The following SNCAIP variants were observed in gnomAD, a reference collection of about 807,000 sequenced individuals.
SNCAIP encodes the protein synphilin-1.
Under a neutral mutation model 86.7 loss-of-function variants are expected in SNCAIP, and 43 were observed. The ratio of observed to expected loss-of-function variants is 0.50; its 90% confidence interval spans 0.39 to 0.64. The LOEUF (loss-of-function observed/expected upper bound fraction) is 0.64. SNCAIP is among the 30% of genes least tolerant of loss of function. The pLI, the probability that SNCAIP is intolerant of heterozygous loss-of-function variation, is 0.00. For missense variants in SNCAIP, 981 were observed against 1,103.1 expected (o/e 0.89, Z 1.57); for synonymous variants, 417 against 427.2 (o/e 0.98, Z 0.29).
At chr5:122,426,431 A>G (rs1000625606) in intron 5 of SNCAIP, among the ~76,000 whole-genome samples, 2 of 152,348 alleles carry the variant, frequency 1.3e-5, no homozygotes, top group African/African-American at 4.8e-5. Context: ...TTACATTTAA[A>G]AAACCATTAA....
chr5:122,458,772 A>G (rs904593652), intron 10 of SNCAIP, among the ~76,000 whole-genome samples: 3 of 152,238 alleles, frequency 2.0e-5, no homozygotes, highest in Non-Finnish European at 4.4e-5. Flanking sequence ...TCACTCAGGG[A>G]GATCATAATC....
intron 1 of SNCAIP, among the ~76,000 whole-genome samples, chr5:122,379,600 G>C (rs1280841051): frequency 6.6e-6 from 1 of 150,630 alleles, no homozygotes; most frequent in Non-Finnish European, 1.5e-5. Flanking sequence ...GTGAGAGAGG[G>C]CATCCCTGTC....
intron 5 of SNCAIP, among the ~76,000 whole-genome samples, chr5:122,425,852 A>G (rs1265374076): frequency 6.6e-6 from 1 of 152,236 alleles, no homozygotes; most frequent in African/African-American, 2.4e-5. Flanking sequence ...ATTTCTTCCT[A>G]ATATGACAAT....
At chr5:122,351,470 G>A (rs1031648237) in intron 1 of SNCAIP, among the ~76,000 whole-genome samples, 79 of 142,698 alleles carry the variant, frequency 5.5e-4, no homozygotes, top group African/African-American at 2.0e-3. Flanking sequence ...CCAGGAGGCA[G>A]AGGTTGCGGT....
At chr5:122,424,468 T>C (rs1172275655) in intron 4 of SNCAIP, among the ~76,000 whole-genome samples, 4 of 152,312 alleles carry the variant, frequency 2.6e-5, no homozygotes, top group African/African-American at 9.6e-5. Context: ...TGATGCTAAT[T>C]AAAGTCTCAT....
chr5:122,433,112 AGTGTGT>A lies in SNCAIP; in HGVS notation c.1296+1061_1296+1066del, dbSNP rs34711914. On this transcript the variant is annotated intron_variant, in intron 6 of 10. Transcript: ENST00000261368. ...ATTTTGTGCTGTGGTAACTTCTAGT[AGTGTGT>A]GTGTGTGTGTGTGTGTGTGTGTGTG... Among the ~76,000 whole-genome samples the A allele has an allele frequency of 8.9e-3, 1,316 of 147,800 alleles. 15 individuals are homozygous for A. Among genetic ancestry groups the A allele is most frequent in the Middle Eastern group, 0.028 (8 of 288 alleles).
intron 2 of SNCAIP, among the ~76,000 whole-genome samples, chr5:122,396,802 C>G (rs1770712954): frequency 6.6e-6 from 1 of 152,130 alleles, no homozygotes; most frequent in South Asian, 2.1e-4. Context: ...TGATTATTGG[C>G]TCACAATTAA....
intron 10 of SNCAIP, among the ~76,000 whole-genome samples, chr5:122,452,120 A>G (rs562592562): frequency 6.6e-6 from 1 of 152,360 alleles, no homozygotes; most frequent in East Asian, 1.9e-4. Context: ...GGACCTCCAC[A>G]TAGGTATTTT....
chr5:122,444,424 C>A, intron 7 of SNCAIP, 139 bp from the exon 8 acceptor site: 1 of 780,754 alleles, frequency 1.3e-6, no homozygotes, highest in South Asian at 1.4e-5. Context: ...TCATCATAGA[C>A]TCTGAAGGGA....
rs1561787739 is a variant in SNCAIP at position 122,444,617 on chromosome 5, C to A, written c.1477C>A (p.Pro493Thr). 6.2e-7 allele frequency: 1 copy of A among 1,613,982 alleles called. No individual in the cohort carries two copies. The highest frequency in any genetic ancestry group is 8.5e-7 in the Non-Finnish European group (1 of 1,179,998). The change falls in exon 8 of 11, where the codon CCC becomes ACC. Residue 493 changes from proline (P) to threonine (T), a missense_variant. Physicochemically the swap from Pro to Thr is conservative, Grantham distance 38. Coordinates refer to ENST00000261368, the MANE Select transcript of SNCAIP (RefSeq NM_005460.4). Reference sequence around the variant, plus strand: ...CATGCAGAACCACGCTGGGGAAAAGCCCTCCCAGAGCGCCGAGCGGCAGGG... The same window carrying A: ...CATGCAGAACCACGCTGGGGAAAAGACCTCCCAGAGCGCCGAGCGGCAGGG... ...VTMQNHAGEK[P>T]SQSAERQGHT...
chr5:122,374,566 G>C (rs1285033731), intron 1 of SNCAIP, among the ~76,000 whole-genome samples: 1 of 152,112 alleles, frequency 6.6e-6, no homozygotes, highest in Non-Finnish European at 1.5e-5. Context: ...CTCATCAACA[G>C]TTTCCAAAAG....
At chr5:122,362,020 T>C (rs568616213) in intron 1 of SNCAIP, among the ~76,000 whole-genome samples, 1 of 152,366 alleles carries the variant, frequency 6.6e-6, no homozygotes, top group South Asian at 2.1e-4. Flanking sequence ...TGTGGAATCC[T>C]AATTTCCTAA....
intron 5 of SNCAIP, among the ~76,000 whole-genome samples, chr5:122,429,755 G>A (rs143902480): frequency 6.6e-5 from 10 of 152,260 alleles, no homozygotes; most frequent in Middle Eastern, 3.4e-3. Flanking sequence ...TAAGGGGTTC[G>A]TAAAGGAAAG....
chr5:122,381,613 G>A (rs1766833962), intron 1 of SNCAIP, among the ~76,000 whole-genome samples: 1 of 148,860 alleles, frequency 6.7e-6, no homozygotes, highest in Admixed American at 6.7e-5. Context: ...TTGCTCGTTA[G>A]TTGATGCAGT....
chr5:122,450,672 C>A lies in SNCAIP; in HGVS notation c.1825C>A (p.Pro609Thr). 1 of 1,614,108 alleles carries A rather than the reference C, an allele frequency of 6.2e-7. No homozygotes were observed. Among genetic ancestry groups the A allele is most frequent in the Non-Finnish European group, 8.5e-7 (1 of 1,180,010 alleles). Residue 609 changes from proline (P) to threonine (T), a missense_variant, in exon 10 of 11, where the codon CCC (proline) becomes ACC (threonine). Coordinates refer to ENST00000261368, the MANE Select transcript of SNCAIP (RefSeq NM_005460.4). ...CCTGTCAGCCTCCAGCCGGGCTAGACCCAAAGCAAAAGATGAAGATTCTGA... is the reference window on the plus strand; with the variant it reads ...CCTGTCAGCCTCCAGCCGGGCTAGAACCAAAGCAAAAGATGAAGATTCTGA... The part of the protein sequence containing the change: ...GSLSASSRAR[P>T]KAKDEDSDKI...
At chr5:122,419,622 C>T (rs1432553166) in intron 3 of SNCAIP, among the ~76,000 whole-genome samples, 7 of 152,136 alleles carry the variant, frequency 4.6e-5, no homozygotes, top group African/African-American at 1.4e-4. Context: ...AAATTAGACA[C>T]AGACTCTGCT....
At chr5:122,347,835 G>T (rs1580562786) in intron 1 of SNCAIP, among the ~76,000 whole-genome samples, 1 of 152,124 alleles carries the variant, frequency 6.6e-6, no homozygotes, top group East Asian at 1.9e-4. Flanking sequence ...GCAAAAGAAG[G>T]CAAAGTTGAA....
chr5:122,326,114 A>G (rs928319462), intron 1 of SNCAIP, among the ~76,000 whole-genome samples: 1 of 152,212 alleles, frequency 6.6e-6, no homozygotes, highest in African/African-American at 2.4e-5. Flanking sequence ...TAATTACTGT[A>G]AGGGCTGAGG....
intron 2 of SNCAIP, among the ~76,000 whole-genome samples, chr5:122,393,351 C>G (rs746809049): frequency 3.3e-5 from 5 of 152,190 alleles, no homozygotes; most frequent in Non-Finnish European, 7.3e-5. Context: ...CAGCAATCTT[C>G]TAAAGTTACT....
Sources: allele counts gnomAD v4.1 joint callset (sites outside exome capture counted in the v4.1 genomes callset), GRCh38; gene constraint gnomAD v4.1.1; transcripts MANE v1.5; gene names NCBI Gene and HGNC (gene_info 2026-07-23, HGNC 2026-07-21).